Variants in PTPRD observed in about 807,000 individuals in gnomAD.
PTPRD encodes receptor-type tyrosine-protein phosphatase delta.
A neutral mutation model predicts 214.5 loss-of-function variants in PTPRD; 34 were observed. The ratio of observed to expected loss-of-function variants is 0.16; its 90% CI spans 0.12 to 0.21. The LOEUF (loss-of-function observed/expected upper bound fraction) is 0.21. Among genes scored for constraint, PTPRD ranks in the 10% least tolerant of loss-of-function variants. The probability of loss-of-function intolerance (pLI) is 1.00; values close to 1 mark genes in which losing one functional copy is unlikely to be tolerated. For synonymous variants in PTPRD, 1,128 were observed against 845.7 expected, an observed-to-expected ratio of 1.33 and a Z score of -5.79; for missense variants, 2,545 against 2,398.7, an observed-to-expected ratio of 1.06 and a Z score of -1.27.
chr9:10,114,559 A>G (rs1010814564), intron 3 of PTPRD, among the ~76,000 whole-genome samples: 1 of 152,020 alleles, frequency 6.6e-6, no homozygotes, highest in Non-Finnish European at 1.5e-5. Flanking sequence ...ATATGTGCAT[A>G]TATATGCTTG....
chr9:10,436,346 G>T (rs1031891892), intron 2 of PTPRD, among the ~76,000 whole-genome samples: 23 of 151,736 alleles, frequency 1.5e-4, no homozygotes, highest in Admixed American at 1.3e-3. Flanking sequence ...ATGAAAGGAT[G>T]CTCTATTTGC....
chr9:10,605,961 G>A (rs1202773508), intron 2 of PTPRD, among the ~76,000 whole-genome samples: 1 of 151,752 alleles, frequency 6.6e-6, no homozygotes, highest in African/African-American at 2.4e-5. Flanking sequence ...AAATAGAAGA[G>A]GGTGCAACCT....
intron 9 of PTPRD, among the ~76,000 whole-genome samples, chr9:9,338,196 G>T (rs892688643): frequency 6.6e-6 from 1 of 152,162 alleles, no homozygotes; most frequent in Admixed American, 6.6e-5. Context: ...CTAGTGCAAA[G>T]AATTATTCTT....
chr9:10,494,369 T>G (rs1014374682), intron 2 of PTPRD, among the ~76,000 whole-genome samples: 3 of 151,832 alleles, frequency 2.0e-5, no homozygotes, highest in Non-Finnish European at 4.4e-5. Flanking sequence ...TCATTTACTC[T>G]AATTTCTGTC....
At chr9:8,894,677 T>C (rs1355210165) in intron 11 of PTPRD, among the ~76,000 whole-genome samples, 2 of 152,212 alleles carry the variant, frequency 1.3e-5, no homozygotes, top group Non-Finnish European at 2.9e-5. Context: ...ACTGAACGTA[T>C]GCTATATTGC....
intron 12 of PTPRD, among the ~76,000 whole-genome samples, chr9:8,683,709 G>A (rs1234141089): frequency 1.3e-5 from 2 of 152,192 alleles, no homozygotes; most frequent in African/African-American, 2.4e-5. Flanking sequence ...GGTTGTGACA[G>A]CACTGGCCAT....
chr9:9,447,314 C>T (rs147017074), intron 8 of PTPRD, among the ~76,000 whole-genome samples: 4 of 152,034 alleles, frequency 2.6e-5, no homozygotes, highest in Admixed American at 6.6e-5. Flanking sequence ...TATATATGTA[C>T]CCCATGGAAT....
At chr9:8,729,573 A>G (rs62528779) in intron 12 of PTPRD, among the ~76,000 whole-genome samples, 58,483 of 152,124 alleles carry the variant, frequency 0.38, 13,679 homozygotes, top group Non-Finnish European at 0.53. Context: ...CTGCTAATCT[A>G]TGAGTTTTCT....
intron 3 of PTPRD, among the ~76,000 whole-genome samples, chr9:10,046,186 T>G (rs373022848): frequency 2.6e-5 from 4 of 151,840 alleles, no homozygotes; most frequent in African/African-American, 9.7e-5. Flanking sequence ...TTAGTGACAA[T>G]AGATAAACAC....
intron 9 of PTPRD, among the ~76,000 whole-genome samples, chr9:9,209,605 ATAC>A (rs2099947228): frequency 6.6e-6 from 1 of 152,210 alleles, no homozygotes. Flanking sequence ...TTGCTTCAAA[ATAC>A]TACTATTTTG....
At chr9:10,563,882 TAA>T (rs922391564) in intron 2 of PTPRD, among the ~76,000 whole-genome samples, 1 of 151,986 alleles carries the variant, frequency 6.6e-6, no homozygotes, top group African/African-American at 2.4e-5. Flanking sequence ...GTGGTATGTT[TAA>T]AGAGACATGT....
intron 11 of PTPRD, among the ~76,000 whole-genome samples, chr9:8,892,227 A>C (rs2098545679): frequency 1.3e-5 from 2 of 152,148 alleles, no homozygotes; most frequent in South Asian, 4.1e-4. Flanking sequence ...AGACCAGTGT[A>C]GAACTCCTTG....
intron 2 of PTPRD, among the ~76,000 whole-genome samples, chr9:10,472,464 A>G (rs565745295): frequency 2.2e-4 from 34 of 152,282 alleles, no homozygotes; most frequent in African/African-American, 6.5e-4. Flanking sequence ...GATGTCTGGT[A>G]AAGCCATTCT....
At chr9:8,670,019 C>CT (rs200868702) in intron 12 of PTPRD, among the ~76,000 whole-genome samples, 6,066 of 142,290 alleles carry the variant, frequency 0.043, 203 homozygotes, top group African/African-American at 0.09. Context: ...TTTTCTGCCT[C>CT]TTTTTTTTTT....
intron 10 of PTPRD, among the ~76,000 whole-genome samples, chr9:9,143,119 T>C (rs1445760610): frequency 6.6e-6 from 1 of 152,172 alleles, no homozygotes; most frequent in Non-Finnish European, 1.5e-5. Context: ...TCCTCTCCCC[T>C]TTGCAAATAG....
intron 3 of PTPRD, among the ~76,000 whole-genome samples, chr9:10,142,612 AAGTC>A (rs1460092227): frequency 6.7e-6 from 1 of 150,060 alleles, no homozygotes; most frequent in African/African-American, 2.4e-5. Context: ...AATCATTAAA[AAGTC>A]AGGAAACAAC....
rs548578437 is a variant in PTPRD at position 8,696,870 on chromosome 9, C to T, written c.64+36910G>A. On this transcript the variant is annotated intron_variant, in intron 12 of 45. Coordinates refer to ENST00000381196, the MANE Select transcript of PTPRD (RefSeq NM_002839.4). ...ACCGTTCCCTTTCTTAGTATTCCTG[C>T]CAGAATTGTCGACAAACATCACAGC... Among the ~76,000 whole-genome samples the T allele has an allele frequency of 4.4e-4, 67 of 152,228 alleles. No individual in the cohort carries two copies. The South Asian group carries it at 7.0e-3, about 16-fold the overall frequency.
chr9:10,484,272 C>A (rs777477634), intron 2 of PTPRD, among the ~76,000 whole-genome samples: 1 of 152,032 alleles, frequency 6.6e-6, no homozygotes, highest in Non-Finnish European at 1.5e-5. Flanking sequence ...CAGAGTAGTA[C>A]AATGGACATT....
chr9:10,225,481 T>A lies in PTPRD; in HGVS notation c.-545+115482A>T, dbSNP rs911695. ...GTTTTTAATGTAAGATCATAGAGGG[T>A]GATATGAGGATGAAAAGTTGGCACT... On this transcript the variant is annotated intron_variant, in intron 3 of 45. Transcript: ENST00000381196. Among the ~76,000 whole-genome samples the A allele has an allele frequency of 3.2e-3, 494 of 152,006 alleles. 4 individuals carry two copies. The highest frequency in any genetic ancestry group is 0.011 in the African/African-American group (467 of 41,500).
Sources: gnomAD v4.1 joint callset for allele counts (sites outside exome capture counted in the v4.1 genomes callset) on GRCh38, gnomAD v4.1.1 for gene constraint, MANE v1.5 for transcripts, NCBI Gene and HGNC (gene_info 2026-07-23, HGNC 2026-07-21) for gene names.